Variants in FDFT1 observed in about 807,000 individuals in gnomAD.
The protein encoded by FDFT1 is squalene synthase.
In FDFT1, 68 loss-of-function variants were observed where a neutral mutation model predicts 46.8. The ratio of observed to expected loss-of-function variants is 1.45; its 90% CI spans 1.19 to 1.78. FDFT1 has a LOEUF of 1.78. Among genes scored for constraint, FDFT1 ranks in the 40% most tolerant of loss-of-function variants. The pLI, the probability that FDFT1 is intolerant of heterozygous loss-of-function variation, is 0.00. For missense variants in FDFT1, 928 were observed against 524.4 expected, an observed-to-expected ratio of 1.77 and a Z score of -7.52; for synonymous variants, 351 against 185.1, an observed-to-expected ratio of 1.90 and a Z score of -7.28.
chr8:11,827,413 G>C lies in FDFT1; in HGVS notation c.702+1198G>C, dbSNP rs118054987. The stretch of plus-strand genomic sequence containing the variant: ...TGCACCTGTATTCCTAGGTATTCGG[G>C]AGGCTAAGGCACAAGGATCCCTTGA... On this transcript the variant is annotated intron_variant, in intron 5 of 7. Transcript: ENST00000220584. Among the ~76,000 whole-genome samples the C allele has an allele frequency of 4.1e-3, 626 of 152,080 alleles. 10 individuals carry two copies. Among genetic ancestry groups the C allele is most frequent in the South Asian group, 0.035 (166 of 4,810 alleles).
intron 5 of FDFT1, among the ~76,000 whole-genome samples, chr8:11,828,088 G>T (rs1810255250): frequency 6.6e-6 from 1 of 151,930 alleles, no homozygotes; most frequent in Non-Finnish European, 1.5e-5. Flanking sequence ...GGTAGGGCCA[G>T]CTACTTGGGA....
chr8:11,833,536 C>T (rs990371319), intron 7 of FDFT1, among the ~76,000 whole-genome samples: 1 of 152,284 alleles, frequency 6.6e-6, no homozygotes, highest in South Asian at 2.1e-4. Flanking sequence ...AATTCCATTA[C>T]TATATTAAAA....
At chr8:11,801,177 G>A (rs549586647), upstream of FDFT1, among the ~76,000 whole-genome samples, 2 of 152,238 alleles carry the variant, frequency 1.3e-5, no homozygotes, top group Non-Finnish European at 2.9e-5. Context: ...AAAGTCCTAG[G>A]GCCAGAGAAA....
chr8:11,804,801 G>A (rs939177405), intron 1 of FDFT1, among the ~76,000 whole-genome samples: 2 of 151,274 alleles, frequency 1.3e-5, no homozygotes, highest in Non-Finnish European at 2.9e-5. Context: ...TAGAGACGGG[G>A]TTTCACCATG....
At chr8:11,826,980 T>G (rs187600329) in intron 5 of FDFT1, among the ~76,000 whole-genome samples, 1 of 152,312 alleles carries the variant, frequency 6.6e-6, no homozygotes, top group East Asian at 1.9e-4. Flanking sequence ...GGATGGCAGG[T>G]AGACAAAAAC....
intron 4 of FDFT1, among the ~76,000 whole-genome samples, chr8:11,824,884 C>T (rs1041961051): frequency 1.3e-5 from 2 of 152,066 alleles, no homozygotes; most frequent in East Asian, 1.9e-4. Flanking sequence ...TACAGGCACC[C>T]GCCACCAGGC....
chr8:11,820,233 A>G (rs1585934748), intron 3 of FDFT1, among the ~76,000 whole-genome samples: 1 of 152,064 alleles, frequency 6.6e-6, no homozygotes, highest in East Asian at 1.9e-4. Context: ...CAAGAAGGAC[A>G]CCCACCTATA....
chr8:11,805,592 G>A (rs565045985), intron 1 of FDFT1, among the ~76,000 whole-genome samples: 90 of 152,298 alleles, frequency 5.9e-4, no homozygotes, highest in Middle Eastern at 6.8e-3. Flanking sequence ...GTAAAATAGG[G>A]ATGTATGTAT....
chr8:11,803,116 G>C (rs1474252946), intron 1 of FDFT1, 185 bp downstream of exon 1: 12 of 1,430,332 alleles, frequency 8.4e-6, no homozygotes, highest in Non-Finnish European at 1.1e-5. Flanking sequence ...GGCCGTCCTG[G>C]CTGACCTGTC....
chr8:11,805,224 T>C (rs1806678189), intron 1 of FDFT1, among the ~76,000 whole-genome samples: 1 of 152,194 alleles, frequency 6.6e-6, no homozygotes, highest in Non-Finnish European at 1.5e-5. Context: ...CCAGTTTCTC[T>C]CTGCAAACTA....
At chr8:11,826,886 C>G (rs1322382437) in intron 5 of FDFT1, among the ~76,000 whole-genome samples, 1 of 152,144 alleles carries the variant, frequency 6.6e-6, no homozygotes, top group Non-Finnish European at 1.5e-5. Flanking sequence ...GCTGAGTTCT[C>G]TGGCCTCGCC....
intron 1 of FDFT1, among the ~76,000 whole-genome samples, chr8:11,805,794 A>G (rs1244841786): frequency 1.3e-5 from 2 of 152,218 alleles, no homozygotes; most frequent in Non-Finnish European, 2.9e-5. Context: ...CTAGGGTTGT[A>G]TATGCATTTT....
At chr8:11,819,929 C>G (rs1300829033) in intron 3 of FDFT1, among the ~76,000 whole-genome samples, 1 of 152,072 alleles carries the variant, frequency 6.6e-6, no homozygotes, top group Non-Finnish European at 1.5e-5. Context: ...AAGAGGCGTT[C>G]TGTTTTTGGA....
Position 11,823,210 on chromosome 8 carries a change from C to T in FDFT1, c.510+1332C>T, listed in dbSNP as rs116478238. Reference sequence around the variant, plus strand: ...GCATCAAACAGTCCTCCCACTCTGGCCTCTCAAATGTTGGGATTACAGGCA... The same window carrying T: ...GCATCAAACAGTCCTCCCACTCTGGTCTCTCAAATGTTGGGATTACAGGCA... On this transcript the variant is annotated intron_variant, in intron 4 of 7. Coordinates refer to ENST00000220584, the MANE Select transcript of FDFT1 (RefSeq NM_004462.5). Among the ~76,000 whole-genome samples, 1,153 of 152,234 alleles carry T rather than the reference C, an allele frequency of 7.6e-3. 17 individuals carry two copies. The highest frequency in any genetic ancestry group is 0.027 in the African/African-American group (1,103 of 41,534).
intron 1 of FDFT1, among the ~76,000 whole-genome samples, chr8:11,804,555 A>G (rs1438186430): frequency 6.6e-6 from 1 of 150,858 alleles, no homozygotes; most frequent in Non-Finnish European, 1.5e-5. Flanking sequence ...GGGGAAATAA[A>G]TTGGAAAAAT....
At chr8:11,832,557 A>AAAAAAAAAAAAAAAAAAAAAAAAAAAC (rs1810955733) in intron 7 of FDFT1, among the ~76,000 whole-genome samples, 1 of 141,838 alleles carries the variant, frequency 7.1e-6, no homozygotes, top group Non-Finnish European at 1.6e-5. Flanking sequence ...GTCTCAAAAA[A>AAAAAAAAAAAAAAAAAAAAAAAAAAAC]AAAAAAAAAA....
intron 5 of FDFT1, among the ~76,000 whole-genome samples, chr8:11,828,272 CAG>C (rs762528386): frequency 2.0e-4 from 31 of 151,996 alleles, no homozygotes; most frequent in Non-Finnish European, 3.4e-4. Context: ...GCCTGGGAGA[CAG>C]AGCAAAACCC....
At chr8:11,796,912 A>G (rs1805615289) in intron 1 of FDFT1, among the ~76,000 whole-genome samples, 1 of 152,260 alleles carries the variant, frequency 6.6e-6, no homozygotes, top group Non-Finnish European at 1.5e-5. Context: ...CTTTTCCTGC[A>G]GAGTAGGGCT....
At position 11,824,968 on chromosome 8, in the gene FDFT1, C is replaced by A. The variant is rs570425283; in HGVS notation, c.511-1056C>A. ...GCCAGGATGGTCTTGATCTCCTGAT[C>A]TCGTGATCCGCCCGTCTCAGCTTCC... On this transcript the variant is annotated intron_variant, in intron 4 of 7. Coordinates refer to ENST00000220584, the MANE Select transcript of FDFT1 (RefSeq NM_004462.5). 2.6e-4 allele frequency among the ~76,000 whole-genome samples: 39 copies of A among 152,190 alleles called. No individual in the cohort carries two copies. The East Asian group carries it at 6.6e-3, about 26-fold the overall frequency.
Sources: gnomAD v4.1 joint callset for allele counts (sites outside exome capture counted in the v4.1 genomes callset) on GRCh38, gnomAD v4.1.1 for gene constraint, MANE v1.5 for transcripts, NCBI Gene and HGNC (gene_info 2026-07-23, HGNC 2026-07-21) for gene names.